The following RBMS3 variants were observed in gnomAD, a reference collection of about 807,000 sequenced individuals.
The protein encoded by RBMS3 is RNA binding motif single stranded interacting protein 3, also known as RNA-binding motif, single-stranded-interacting protein 3.
A neutral mutation model predicts 66.8 loss-of-function variants in RBMS3; 27 were observed. That is an observed-to-expected ratio of 0.40 (90% CI 0.30 to 0.56). RBMS3 has a LOEUF of 0.56. RBMS3 is among the 20% of genes least tolerant of loss of function. The probability of loss-of-function intolerance (pLI) is 0.40; values close to 1 mark genes in which losing one functional copy is unlikely to be tolerated. For synonymous variants in RBMS3, 188 were observed against 183.0 expected (o/e 1.03, Z -0.22); for missense variants, 513 against 549.5 (o/e 0.93, Z 0.66).
chr3:29,917,518 A>G (rs1360804905), intron 10 of RBMS3, among the ~76,000 whole-genome samples: 1 of 152,098 alleles, frequency 6.6e-6, no homozygotes, highest in South Asian at 2.1e-4. Context: ...ATTGGGGAAG[A>G]GAGAAATCAA....
chr3:29,875,229 T>TG (rs201253392), intron 7 of RBMS3, among the ~76,000 whole-genome samples: 3,258 of 152,218 alleles, frequency 0.021, 58 homozygotes, highest in Admixed American at 0.031. Flanking sequence ...CCACTAATGT[T>TG]TAAGCAACAG....
At chr3:29,944,133 C>A in intron 11 of RBMS3, 74 bp from the exon 12 acceptor site, 1 of 1,360,094 alleles carries the variant, frequency 7.4e-7, no homozygotes, top group Non-Finnish European at 1.0e-6. Flanking sequence ...GACTCTTCCA[C>A]GTGTTAGGGC....
intron 1 of RBMS3, among the ~76,000 whole-genome samples, chr3:29,415,775 A>AT (rs11286612): frequency 0.18 from 26,586 of 151,198 alleles, 2,842 homozygotes; most frequent in Non-Finnish European, 0.25. Flanking sequence ...TGACAATGAA[A>AT]TTTTTTTTTT....
rs565385339 is a variant in RBMS3 at position 29,718,208 on chromosome 3, C to T, written c.400-21512C>T. ...AAGTAAAAGTCTCCTGTCAATCTAC[C>T]TCCAGAGACAAACATTATCATTTTC... is the stretch of plus-strand genomic sequence containing the variant. On this transcript the variant is annotated intron_variant, in intron 4 of 14. Coordinates refer to ENST00000383767, the MANE Select transcript of RBMS3 (RefSeq NM_001003793.3). Among the ~76,000 whole-genome samples, 8 of 152,032 alleles carry T rather than the reference C, an allele frequency of 5.3e-5. No homozygotes were observed. The East Asian group carries it at 1.6e-3, about 29-fold the overall frequency.
intron 1 of RBMS3, among the ~76,000 whole-genome samples, chr3:29,323,640 C>T (rs2125496511): frequency 6.6e-6 from 1 of 151,698 alleles, no homozygotes; most frequent in Middle Eastern, 3.4e-3. Context: ...GTCTTCTCTT[C>T]TGAAATGTGT....
chr3:29,415,921 C>T (rs1243624837), intron 1 of RBMS3, among the ~76,000 whole-genome samples: 2 of 152,112 alleles, frequency 1.3e-5, no homozygotes, highest in East Asian at 1.9e-4. Flanking sequence ...AAGTACCCTT[C>T]AGCATGTAGA....
intron 1 of RBMS3, among the ~76,000 whole-genome samples, chr3:29,371,326 T>C (rs2038189445): frequency 6.6e-6 from 1 of 152,136 alleles, no homozygotes; most frequent in African/African-American, 2.4e-5. Flanking sequence ...GAAACAGACA[T>C]TTGATTGGTT....
intron 4 of RBMS3, chr3:29,698,545 T>C: frequency 1.0e-6 from 1 of 985,416 alleles, no homozygotes; most frequent in Non-Finnish European, 1.2e-6. Flanking sequence ...GATGGCGGAT[T>C]CAATGAAATA....
intron 6 of RBMS3, among the ~76,000 whole-genome samples, chr3:29,809,646 C>T (rs1280195226): frequency 6.6e-6 from 1 of 151,836 alleles, no homozygotes; most frequent in Non-Finnish European, 1.5e-5. Flanking sequence ...GAGCTTACAT[C>T]TTTTGCTCTT....
chr3:29,798,681 G>C (rs1300112943), intron 6 of RBMS3, among the ~76,000 whole-genome samples: 1 of 152,092 alleles, frequency 6.6e-6, no homozygotes, highest in Admixed American at 6.6e-5. Context: ...ATTTTAAGAA[G>C]GTTAAGTTTT....
intron 1 of RBMS3, among the ~76,000 whole-genome samples, chr3:29,310,913 T>C (rs1194527748): frequency 6.6e-6 from 1 of 151,762 alleles, no homozygotes; most frequent in Non-Finnish European, 1.5e-5. Context: ...TGTTATTAGA[T>C]AAAAGTGAAG....
At chr3:29,564,752 T>C (rs1415621576) in intron 3 of RBMS3, among the ~76,000 whole-genome samples, 1 of 152,140 alleles carries the variant, frequency 6.6e-6, no homozygotes, top group Non-Finnish European at 1.5e-5. Context: ...GTTGGAATAT[T>C]TCCCTCCAGC....
intron 6 of RBMS3, among the ~76,000 whole-genome samples, chr3:29,859,337 G>A (rs1392498330): frequency 6.6e-6 from 1 of 151,960 alleles, no homozygotes; most frequent in Non-Finnish European, 1.5e-5. Context: ...CAATCTTTTT[G>A]CCCCATTCCA....
Position 30,007,158 on chromosome 3 carries a change from T to C in RBMS3, c.*3296T>C, listed in dbSNP as rs1699822502. ...GGAGAGAAAAAAAAGCATCAACAGG[T>C]AAGCAGCATTACATTGTGTGGTAAT... On this transcript the variant is annotated 3_prime_UTR_variant, in exon 15 of 15. Transcript: ENST00000383767. 2 of 152,060 alleles carry C rather than the reference T, an allele frequency of 1.3e-5. No homozygotes were observed. The highest frequency in any genetic ancestry group is 4.1e-4 in the South Asian group (2 of 4,824). The allele number at this position is 152,060 out of a possible 1,614,324, so 9.4% of individuals were successfully genotyped here. A position where few individuals can be genotyped will look rare whatever the true frequency, so the allele number is the denominator to read the frequency against.
chr3:29,391,438 C>T (rs79601260), intron 1 of RBMS3, among the ~76,000 whole-genome samples: 3,059 of 152,136 alleles, frequency 0.02, 104 homozygotes, highest in African/African-American at 0.069. Context: ...TCTAAACAAG[C>T]TATCAAATTT....
At chr3:29,860,202 G>C (rs2059179015) in intron 6 of RBMS3, among the ~76,000 whole-genome samples, 1 of 152,160 alleles carries the variant, frequency 6.6e-6, no homozygotes, top group South Asian at 2.1e-4. Context: ...TGGAGTGTTG[G>C]AGCAAGTACA....
intron 3 of RBMS3, among the ~76,000 whole-genome samples, chr3:29,502,409 A>ATC (rs2044008886): frequency 1.3e-5 from 2 of 152,070 alleles, no homozygotes; most frequent in Non-Finnish European, 2.9e-5. Context: ...AATAAGTAAG[A>ATC]CTAGAAGTAA....
intron 4 of RBMS3, among the ~76,000 whole-genome samples, chr3:29,735,299 T>C (rs1370725088): frequency 6.6e-6 from 1 of 152,148 alleles, no homozygotes; most frequent in Non-Finnish European, 1.5e-5. Context: ...AAAAAGGAAG[T>C]CATTTCAGAG....
chr3:29,785,651 A>G, intron 6 of RBMS3, among the ~76,000 whole-genome samples: 1 of 152,252 alleles, frequency 6.6e-6, no homozygotes, highest in East Asian at 1.9e-4. Context: ...GCATTTCTTT[A>G]TGATTAAACC....
Sources: gnomAD v4.1 joint callset for allele counts (sites outside exome capture counted in the v4.1 genomes callset) on GRCh38, gnomAD v4.1.1 for gene constraint, MANE v1.5 for transcripts, NCBI Gene and HGNC (gene_info 2026-07-23, HGNC 2026-07-21) for gene names.